Variants in ELOVL5 observed in about 807,000 individuals in gnomAD.
ELOVL5 encodes the protein ELOVL fatty acid elongase 5.
A neutral mutation model predicts 38.6 loss-of-function variants in ELOVL5; 8 were observed. The ratio of observed to expected loss-of-function variants is 0.21; its 90% CI spans 0.12 to 0.37. The LOEUF (loss-of-function observed/expected upper bound fraction) is 0.37, where lower values mean the gene tolerates loss of function less well. Ranked by LOEUF, ELOVL5 falls within the 10% of genes least tolerant of loss-of-function variation. ELOVL5 has a pLI of 1.00. For missense variants in ELOVL5, 280 were observed against 367.8 expected (o/e 0.76, Z 1.95); for synonymous variants, 127 against 133.7 (o/e 0.95, Z 0.34).
chr6:53,315,379 G>GT (rs1054308803), intron 1 of ELOVL5, among the ~76,000 whole-genome samples: 4 of 152,126 alleles, frequency 2.6e-5, no homozygotes, highest in African/African-American at 9.7e-5. Context: ...TGAATTGAGA[G>GT]TGGGGGGACA....
intron 1 of ELOVL5, among the ~76,000 whole-genome samples, chr6:53,325,256 TAA>T (rs1393559373): frequency 6.6e-6 from 1 of 152,200 alleles, no homozygotes. Flanking sequence ...AATTTATGGA[TAA>T]ATACAGCCAA....
chr6:53,347,641 C>G (rs1180265178), intron 1 of ELOVL5, among the ~76,000 whole-genome samples: 1 of 152,210 alleles, frequency 6.6e-6, no homozygotes, highest in Admixed American at 6.5e-5. Flanking sequence ...GCTGCTCGCT[C>G]CCCACAAATC....
At chr6:53,340,473 C>T (rs368083996) in intron 1 of ELOVL5, among the ~76,000 whole-genome samples, 14 of 152,184 alleles carry the variant, frequency 9.2e-5, no homozygotes, top group East Asian at 3.8e-4. Context: ...TAGGCCTTCA[C>T]ATTCACTCCC....
chr6:53,305,176 G>A (rs1442517044), intron 1 of ELOVL5, among the ~76,000 whole-genome samples: 6 of 146,356 alleles, frequency 4.1e-5, no homozygotes, highest in Non-Finnish European at 7.5e-5. Context: ...CCTCCCTCCC[G>A]GACGGGGCGG....
At chr6:53,284,051 A>G (rs1766468502) in intron 3 of ELOVL5, among the ~76,000 whole-genome samples, 1 of 152,052 alleles carries the variant, frequency 6.6e-6, no homozygotes, top group Non-Finnish European at 1.5e-5. Context: ...CACGCCTGTA[A>G]TCCTAGTGCT....
At chr6:53,278,398 A>G (rs1766221594) in intron 3 of ELOVL5, among the ~76,000 whole-genome samples, 1 of 152,168 alleles carries the variant, frequency 6.6e-6, no homozygotes, top group Admixed American at 6.5e-5. Context: ...CCCAAAGATG[A>G]GAACGGGTTG....
intron 3 of ELOVL5, chr6:53,277,615 T>C (rs1257742195): frequency 6.6e-6 from 1 of 152,238 alleles, no homozygotes; most frequent in African/African-American, 2.4e-5. Flanking sequence ...AACAAACTAT[T>C]CTATACTATC....
intron 1 of ELOVL5, among the ~76,000 whole-genome samples, chr6:53,312,054 A>C (rs1767859591): frequency 6.6e-6 from 1 of 152,200 alleles, no homozygotes; most frequent in Non-Finnish European, 1.5e-5. Context: ...ACAAAAACTG[A>C]AAGGTGGTTA....
intron 1 of ELOVL5, among the ~76,000 whole-genome samples, chr6:53,335,502 C>A (rs761842258): frequency 6.6e-6 from 1 of 152,126 alleles, no homozygotes; most frequent in Non-Finnish European, 1.5e-5. Context: ...TCCCCTCCCC[C>A]ACCCCACCAG....
rs183091687 is a variant in ELOVL5, at chr6:53,267,454, A to C, written c.*1673T>G. ...TGTTTAGACATTTAACAATGTAGGT[A>C]TATCCAGGTGAGCTAAGCACACTTT... On this transcript the variant is annotated 3_prime_UTR_variant, in exon 8 of 8. Coordinates refer to ENST00000304434, the MANE Select transcript of ELOVL5 (RefSeq NM_021814.5). The C allele has an allele frequency of 7.2e-5, 11 of 152,670 alleles. No individual in the cohort carries two copies. The highest frequency in any genetic ancestry group is 2.4e-4 in the African/African-American group (10 of 41,580). 9.5% of individuals were successfully genotyped at this position (152,670 alleles called of 1,614,324 possible). A position where few individuals can be genotyped will look rare whatever the true frequency, so the allele number is the denominator to read the frequency against.
intron 2 of ELOVL5, among the ~76,000 whole-genome samples, chr6:53,292,777 T>C (rs547041079): frequency 6.6e-6 from 1 of 152,074 alleles, no homozygotes. Flanking sequence ...GGCAACAGAG[T>C]GAGACTCCGT....
intron 3 of ELOVL5, chr6:53,287,771 G>A (rs768900614): frequency 9.6e-6 from 11 of 1,140,292 alleles, no homozygotes; most frequent in East Asian, 2.6e-5. Flanking sequence ...AAGAAAGGCC[G>A]GAGTGCCTCC....
intron 1 of ELOVL5, among the ~76,000 whole-genome samples, chr6:53,336,344 C>G (rs1238747384): frequency 6.6e-6 from 1 of 152,144 alleles, no homozygotes; most frequent in Non-Finnish European, 1.5e-5. Flanking sequence ...CTCAATGTTG[C>G]TGCCAACCAA....
chr6:53,325,049 G>C (rs1416647698), intron 1 of ELOVL5, among the ~76,000 whole-genome samples: 2 of 152,156 alleles, frequency 1.3e-5, no homozygotes, highest in East Asian at 3.9e-4. Flanking sequence ...AGGTAGAAAA[G>C]CACTGTGCTA....
intron 3 of ELOVL5, among the ~76,000 whole-genome samples, chr6:53,280,765 A>G (rs1766320728): frequency 6.6e-6 from 1 of 152,012 alleles, no homozygotes; most frequent in Non-Finnish European, 1.5e-5. Context: ...GCTAATTTTT[A>G]TATTTTTGTT....
intron 1 of ELOVL5, among the ~76,000 whole-genome samples, chr6:53,326,482 C>T (rs566708294): frequency 3.3e-4 from 51 of 152,246 alleles, no homozygotes; most frequent in Non-Finnish European, 7.4e-5. Flanking sequence ...CAACCCCACC[C>T]GTTTCCTTTT....
chr6:53,316,566 A>G (rs1038497248), intron 1 of ELOVL5, among the ~76,000 whole-genome samples: 2 of 151,982 alleles, frequency 1.3e-5, no homozygotes, highest in Non-Finnish European at 2.9e-5. Context: ...AGAGGCTGAA[A>G]AGAGGGTGAG....
At chr6:53,347,829 C>A (rs1732040062) in intron 1 of ELOVL5, among the ~76,000 whole-genome samples, 1 of 152,084 alleles carries the variant, frequency 6.6e-6, no homozygotes, top group Non-Finnish European at 1.5e-5. Flanking sequence ...GCGGGGGGAA[C>A]CGCCAAGTGC....
chr6:53,280,921 T>C (rs1448401269), intron 3 of ELOVL5, among the ~76,000 whole-genome samples: 1 of 152,094 alleles, frequency 6.6e-6, no homozygotes, highest in East Asian at 1.9e-4. Flanking sequence ...TAACGGTGAG[T>C]TGACTTTTCC....
Sources: allele counts gnomAD v4.1 joint callset (sites outside exome capture counted in the v4.1 genomes callset), GRCh38; gene constraint gnomAD v4.1.1; transcripts MANE v1.5; gene names NCBI Gene and HGNC (gene_info 2026-07-23, HGNC 2026-07-21).